Variants in ZNF536 observed in about 807,000 individuals in gnomAD.
ZNF536 encodes the protein zinc finger protein 536.
Under a neutral mutation model 84.5 loss-of-function variants are expected in ZNF536, and 13 were observed. The ratio of observed to expected loss-of-function variants is 0.15; its 90% CI spans 0.10 to 0.24. The LOEUF (loss-of-function observed/expected upper bound fraction) is 0.24, where lower values mean the gene tolerates loss of function less well. Among genes scored for constraint, ZNF536 ranks in the 10% least tolerant of loss-of-function variants. ZNF536 has a pLI of 1.00. For missense variants in ZNF536, 1,536 were observed against 1,747.5 expected, an observed-to-expected ratio of 0.88 and a Z score of 2.16; for synonymous variants, 811 against 742.5, an observed-to-expected ratio of 1.09 and a Z score of -1.50.
intron 1 of ZNF536, among the ~76,000 whole-genome samples, chr19:30,402,249 C>G (rs2050073415): frequency 6.6e-6 from 1 of 151,960 alleles, no homozygotes; most frequent in South Asian, 2.1e-4. Context: ...TCGGTGCTTA[C>G]TAGCTGAATT....
intron 2 of ZNF536, among the ~76,000 whole-genome samples, chr19:30,351,162 T>A (rs1365600717): frequency 2.6e-5 from 4 of 152,210 alleles, no homozygotes; most frequent in Admixed American, 6.5e-5. Flanking sequence ...GCATTTTTTT[T>A]ATAACCTGTT....
At chr19:30,422,636 A>G (rs2051010494) in intron 1 of ZNF536, among the ~76,000 whole-genome samples, 3 of 152,142 alleles carry the variant, frequency 2.0e-5, no homozygotes, top group Admixed American at 2.0e-4. Context: ...CACCTAGCAC[A>G]TAGAAGGCAT....
intron 1 of ZNF536, among the ~76,000 whole-genome samples, chr19:30,596,677 A>G (rs962539965): frequency 2.0e-5 from 3 of 152,156 alleles, no homozygotes; most frequent in African/African-American, 7.2e-5. Flanking sequence ...AAAGGGAAAA[A>G]AAAAAGTAGT....
At chr19:30,509,865 A>G (rs1040618369) in intron 2 of ZNF536, among the ~76,000 whole-genome samples, 1 of 152,246 alleles carries the variant, frequency 6.6e-6, no homozygotes, top group African/African-American at 2.4e-5. Flanking sequence ...GAAACTGTTG[A>G]ATCGTGAATT....
chr19:30,422,441 A>C (rs1161718675), intron 1 of ZNF536, among the ~76,000 whole-genome samples: 3 of 152,178 alleles, frequency 2.0e-5, no homozygotes, highest in Non-Finnish European at 4.4e-5. Flanking sequence ...GATGTCAAGT[A>C]ATATTATAAT....
chr19:30,402,791 T>G (rs2050097638), intron 1 of ZNF536, among the ~76,000 whole-genome samples: 1 of 24,366 alleles, frequency 4.1e-5, no homozygotes, highest in Non-Finnish European at 2.6e-4. Flanking sequence ...TTTTTAAAAT[T>G]AAAAAATATA....
chr19:30,407,140 C>T (rs1289729611), intron 1 of ZNF536, among the ~76,000 whole-genome samples: 1 of 152,238 alleles, frequency 6.6e-6, no homozygotes, highest in Non-Finnish European at 1.5e-5. Context: ...TACAACTCCA[C>T]TTTGCTCCTC....
intron 2 of ZNF536, among the ~76,000 whole-genome samples, chr19:30,465,189 T>C (rs978923582): frequency 3.0e-4 from 46 of 152,108 alleles, no homozygotes; most frequent in Admixed American, 2.8e-3. Context: ...CTATTCTCAT[T>C]CCCTGAAGCC....
At chr19:30,315,456 C>A (rs1299870558) in intron 2 of ZNF536, among the ~76,000 whole-genome samples, 1 of 152,092 alleles carries the variant, frequency 6.6e-6, no homozygotes, top group Admixed American at 6.5e-5. Context: ...GCATGAGCCA[C>A]CCCCCTCTGG....
rs145300128 is a variant in ZNF536, at chr19:30,393,366, C to A, written c.-3+20810C>A. Among the ~76,000 whole-genome samples, 81 of 152,346 alleles carry A rather than the reference C, an allele frequency of 5.3e-4. 1 individual carries two copies. The highest frequency in any genetic ancestry group is 1.8e-3 in the African/African-American group (75 of 41,570). On this transcript the variant is annotated intron_variant, in intron 1 of 4. Coordinates refer to ENST00000355537, the MANE Select transcript of ZNF536 (RefSeq NM_014717.3). ...TGATTCATTCATTTCTTCCTATGCT[C>A]ACTGATTAATTCACTCATTCCAAAG... is the stretch of plus-strand genomic sequence containing the variant.
chr19:30,533,642 A>G (rs2044950624), intron 2 of ZNF536, among the ~76,000 whole-genome samples: 1 of 152,236 alleles, frequency 6.6e-6, no homozygotes, highest in Non-Finnish European at 1.5e-5. Flanking sequence ...AGCAGTTTGC[A>G]TTTTCCATTG....
At chr19:30,705,594 G>A (rs1329803135) in intron 1 of ZNF536, among the ~76,000 whole-genome samples, 1 of 152,044 alleles carries the variant, frequency 6.6e-6, no homozygotes, top group East Asian at 1.9e-4. Flanking sequence ...TGGCAAAATT[G>A]TCCAAAGCTC....
At chr19:30,617,332 A>C (rs929719146) in intron 1 of ZNF536, among the ~76,000 whole-genome samples, 2 of 18,294 alleles carry the variant, frequency 1.1e-4, no homozygotes, top group Admixed American at 8.7e-4. Flanking sequence ...TGAATAGCTT[A>C]CTTTTTTTTT....
At chr19:30,257,032 C>T (rs925794497) in intron 1 of ZNF536, among the ~76,000 whole-genome samples, 4 of 152,296 alleles carry the variant, frequency 2.6e-5, no homozygotes, top group South Asian at 2.1e-4. Flanking sequence ...TTGAAATGTT[C>T]GCCATTTTAC....
intron 2 of ZNF536, among the ~76,000 whole-genome samples, chr19:30,323,098 C>A (rs1252870959): frequency 6.6e-6 from 1 of 151,888 alleles, no homozygotes; most frequent in East Asian, 1.9e-4. Context: ...CATGATTTTC[C>A]TAATAAACCA....
intron 1 of ZNF536, among the ~76,000 whole-genome samples, chr19:30,635,095 C>T (rs1316179767): frequency 8.3e-5 from 12 of 144,776 alleles, no homozygotes; most frequent in African/African-American, 2.1e-4. Context: ...TGTGTGTATG[C>T]GCGTGCCCCA....
At chr19:30,378,132 C>T (rs1331343195) in intron 1 of ZNF536, among the ~76,000 whole-genome samples, 3 of 152,144 alleles carry the variant, frequency 2.0e-5, no homozygotes, top group Non-Finnish European at 2.9e-5. Flanking sequence ...TTAGTCGCCC[C>T]AGCCTGGATG....
chr19:30,511,126 TG>T (rs2055397121), intron 2 of ZNF536, among the ~76,000 whole-genome samples: 1 of 152,166 alleles, frequency 6.6e-6, no homozygotes, highest in Non-Finnish European at 1.5e-5. Flanking sequence ...GTGGGTAAGA[TG>T]GGCTGCTCCT....
intron 1 of ZNF536, among the ~76,000 whole-genome samples, chr19:30,640,719 C>A (rs188206052): frequency 1.3e-5 from 2 of 152,318 alleles, no homozygotes; most frequent in East Asian, 3.9e-4. Flanking sequence ...GAAGTGGTAG[C>A]AGTGGCCATC....
Sources: allele counts gnomAD v4.1 joint callset (sites outside exome capture counted in the v4.1 genomes callset), GRCh38; gene constraint gnomAD v4.1.1; transcripts MANE v1.5; gene names NCBI Gene and HGNC (gene_info 2026-07-23, HGNC 2026-07-21).